The following CLSTN2 variants were observed in gnomAD, a reference collection of about 807,000 sequenced individuals.
CLSTN2 encodes calsyntenin-2.
CLSTN2 carries 48 observed loss-of-function variants against 101.2 expected under a neutral mutation model. The observed-to-expected ratio is 0.47, with a 90% CI of 0.38 to 0.60. CLSTN2 has a LOEUF of 0.60. Among genes scored for constraint, CLSTN2 ranks in the 20% least tolerant of loss-of-function variants. The probability of loss-of-function intolerance (pLI) is 0.00; values close to 1 mark genes in which losing one functional copy is unlikely to be tolerated. For missense variants in CLSTN2, 1,160 were observed against 1,238.2 expected, an observed-to-expected ratio of 0.94 and a Z score of 0.95; for synonymous variants, 481 against 463.6, an observed-to-expected ratio of 1.04 and a Z score of -0.48.
chr3:140,207,156 G>C (rs557592663), intron 2 of CLSTN2, among the ~76,000 whole-genome samples: 1 of 152,104 alleles, frequency 6.6e-6, no homozygotes, highest in Non-Finnish European at 1.5e-5. Flanking sequence ...CCAGCTTCTG[G>C]GGTGTTTGCA....
chr3:140,430,932 G>C (rs1326322176), intron 5 of CLSTN2, among the ~76,000 whole-genome samples: 1 of 152,212 alleles, frequency 6.6e-6, no homozygotes, highest in Non-Finnish European at 1.5e-5. Flanking sequence ...GCATCTTACT[G>C]TGTCAGAAGA....
At chr3:140,153,627 C>T (rs1398483039) in intron 1 of CLSTN2, among the ~76,000 whole-genome samples, 1 of 152,230 alleles carries the variant, frequency 6.6e-6, no homozygotes, top group African/African-American at 2.4e-5. Flanking sequence ...ATTGTTACCT[C>T]ACCTCTGAAT....
intron 8 of CLSTN2, among the ~76,000 whole-genome samples, chr3:140,504,567 G>T (rs1559888449): frequency 6.6e-6 from 1 of 152,134 alleles, no homozygotes; most frequent in Non-Finnish European, 1.5e-5. Context: ...GTATAATCTG[G>T]TTCCTGAACA....
At chr3:140,112,865 GA>G (rs1338315580) in intron 1 of CLSTN2, among the ~76,000 whole-genome samples, 1 of 152,044 alleles carries the variant, frequency 6.6e-6, no homozygotes, top group Non-Finnish European at 1.5e-5. Flanking sequence ...GACAGAGCAT[GA>G]AAAAAACAGA....
At chr3:140,183,947 C>A (rs2010448605) in intron 2 of CLSTN2, among the ~76,000 whole-genome samples, 1 of 152,168 alleles carries the variant, frequency 6.6e-6, no homozygotes, top group African/African-American at 2.4e-5. Flanking sequence ...TGTGCAACAA[C>A]CACCCCAAAA....
At chr3:140,187,755 T>A (rs1559801710) in intron 2 of CLSTN2, among the ~76,000 whole-genome samples, 1 of 152,184 alleles carries the variant, frequency 6.6e-6, no homozygotes, top group African/African-American at 2.4e-5. Flanking sequence ...CACTCACTCC[T>A]CCTCTCATGC....
intron 1 of CLSTN2, among the ~76,000 whole-genome samples, chr3:139,990,875 A>G (rs1167949326): frequency 1.3e-5 from 2 of 152,258 alleles, no homozygotes; most frequent in African/African-American, 4.8e-5. Flanking sequence ...TGGTGCAGAG[A>G]TAAACCATTT....
chr3:139,961,293 G>T (rs1283573696), intron 1 of CLSTN2, among the ~76,000 whole-genome samples: 1 of 152,174 alleles, frequency 6.6e-6, no homozygotes, highest in Non-Finnish European at 1.5e-5. Context: ...GGTGTTTTAA[G>T]AACATGATAT....
At chr3:140,105,771 G>A (rs1199682946) in intron 1 of CLSTN2, among the ~76,000 whole-genome samples, 1 of 152,170 alleles carries the variant, frequency 6.6e-6, no homozygotes, top group Non-Finnish European at 1.5e-5. Context: ...TACAGGACAA[G>A]CACCTCAGCC....
intron 2 of CLSTN2, among the ~76,000 whole-genome samples, chr3:140,280,399 G>T (rs1003988813): frequency 6.6e-6 from 1 of 152,116 alleles, no homozygotes; most frequent in African/African-American, 2.4e-5. Flanking sequence ...CATTGAAATA[G>T]ACATAAAATT....
intron 2 of CLSTN2, among the ~76,000 whole-genome samples, chr3:140,396,320 C>A (rs2088181758): frequency 6.6e-6 from 1 of 152,132 alleles, no homozygotes; most frequent in Admixed American, 6.5e-5. Flanking sequence ...GTGCAAGGTG[C>A]TTCAAGGAGT....
At position 140,135,085 on chromosome 3, in the gene CLSTN2, AAAACAC is replaced by A. The variant is rs1358151529; in HGVS notation, c.110-40864_110-40859del. 2.9e-3 allele frequency among the ~76,000 whole-genome samples: 73 copies of A among 25,000 alleles called. 1 individual carries two copies. Among genetic ancestry groups the A allele is most frequent in the African/African-American group, 7.4e-3 (67 of 9,080 alleles). 16.4% of individuals were successfully genotyped at this position (25,000 alleles called of 152,430 possible). On this transcript the variant is annotated intron_variant, in intron 1 of 16. Coordinates refer to ENST00000458420, the MANE Select transcript of CLSTN2 (RefSeq NM_022131.3). ...ATAGTCCAGGGTGATGCCTCTCAAA[AAAACAC>A]ACACACACACACACACACACACACA...
At chr3:140,426,598 AAGG>A (rs2088567060) in intron 5 of CLSTN2, among the ~76,000 whole-genome samples, 1 of 152,180 alleles carries the variant, frequency 6.6e-6, no homozygotes. Context: ...AGGGAGAAAG[AAGG>A]AGATGACGTA....
At chr3:140,542,626 C>G (rs2107784886) in intron 9 of CLSTN2, among the ~76,000 whole-genome samples, 1 of 152,216 alleles carries the variant, frequency 6.6e-6, no homozygotes, top group South Asian at 2.1e-4. Context: ...ATACTGGCCT[C>G]CTGTTGAAAA....
intron 2 of CLSTN2, among the ~76,000 whole-genome samples, chr3:140,282,409 A>G (rs965740610): frequency 2.0e-5 from 3 of 152,292 alleles, no homozygotes; most frequent in African/African-American, 7.2e-5. Flanking sequence ...GACCAAGAGC[A>G]TGAGGCGCCC....
chr3:140,235,802 G>T (rs559812488), intron 2 of CLSTN2, among the ~76,000 whole-genome samples: 1 of 152,150 alleles, frequency 6.6e-6, no homozygotes, highest in African/African-American at 2.4e-5. Flanking sequence ...GGTGGTAGTG[G>T]GGGGCTGATT....
chr3:140,063,536 A>G (rs962465570), intron 1 of CLSTN2, among the ~76,000 whole-genome samples: 3 of 152,200 alleles, frequency 2.0e-5, no homozygotes, highest in African/African-American at 7.2e-5. Context: ...TGAGGCAGGT[A>G]AAGTCATCCT....
chr3:140,029,458 G>A (rs952097636), intron 1 of CLSTN2, among the ~76,000 whole-genome samples: 3 of 152,114 alleles, frequency 2.0e-5, no homozygotes, highest in Non-Finnish European at 4.4e-5. Context: ...CAGCTGATAC[G>A]GATGTCTGCC....
intron 1 of CLSTN2, among the ~76,000 whole-genome samples, chr3:140,097,607 T>G (rs1036505363): frequency 6.6e-6 from 1 of 152,182 alleles, no homozygotes; most frequent in Non-Finnish European, 1.5e-5. Flanking sequence ...TCCCACTCCA[T>G]GTGCTTTCGA....
Sources: gnomAD v4.1 joint callset for allele counts (sites outside exome capture counted in the v4.1 genomes callset) on GRCh38, gnomAD v4.1.1 for gene constraint, MANE v1.5 for transcripts, NCBI Gene and HGNC (gene_info 2026-07-23, HGNC 2026-07-21) for gene names.